The following UVRAG variants were observed in gnomAD, a reference collection of about 807,000 sequenced individuals.
The protein encoded by UVRAG is UV radiation resistance associated, also known as UV radiation resistance-associated gene protein.
In UVRAG, 19 loss-of-function variants were observed where a neutral mutation model predicts 78.0. The ratio of observed to expected loss-of-function variants is 0.24; its 90% CI spans 0.17 to 0.36. The LOEUF (loss-of-function observed/expected upper bound fraction) is 0.36, where lower values mean the gene tolerates loss of function less well. Among genes scored for constraint, UVRAG ranks in the 10% least tolerant of loss-of-function variants. UVRAG has a pLI of 1.00. For synonymous variants in UVRAG, 323 were observed against 324.6 expected (o/e 1.00, Z 0.05); for missense variants, 740 against 853.8 (o/e 0.87, Z 1.66).
At chr11:75,974,273 G>T (rs915081128) in intron 7 of UVRAG, among the ~76,000 whole-genome samples, 8 of 150,098 alleles carry the variant, frequency 5.3e-5, no homozygotes, top group Non-Finnish European at 3.0e-5. Flanking sequence ...GTATCTCATT[G>T]TGGTTTTGAT....
intron 7 of UVRAG, among the ~76,000 whole-genome samples, chr11:75,968,519 T>G (rs895897617): frequency 2.0e-5 from 3 of 152,208 alleles, no homozygotes; most frequent in African/African-American, 7.2e-5. Context: ...ACTTGATATA[T>G]TTCTGTAAAT....
intron 12 of UVRAG, among the ~76,000 whole-genome samples, chr11:76,032,914 T>C (rs1950462362): frequency 6.6e-6 from 1 of 152,236 alleles, no homozygotes; most frequent in African/African-American, 2.4e-5. Flanking sequence ...TATTAATATT[T>C]AGTCTAAGTA....
chr11:76,042,149 C>T (rs1203745673), intron 12 of UVRAG, among the ~76,000 whole-genome samples: 1 of 152,030 alleles, frequency 6.6e-6, no homozygotes, highest in Admixed American at 6.6e-5. Flanking sequence ...TAGAAACAAC[C>T]TAAATCCCCT....
chr11:76,137,646 C>T, intron 14 of UVRAG: 1 of 359,270 alleles, frequency 2.8e-6, no homozygotes, highest in South Asian at 2.2e-5. Flanking sequence ...CACCTGTAAT[C>T]CCAATATTTT....
At chr11:75,937,272 A>G (rs1462886066) in intron 6 of UVRAG, among the ~76,000 whole-genome samples, 13 of 152,196 alleles carry the variant, frequency 8.5e-5, no homozygotes, top group Non-Finnish European at 4.4e-5. Flanking sequence ...TGAGAGGCAG[A>G]GGTTGCAGTG....
intron 6 of UVRAG, among the ~76,000 whole-genome samples, chr11:75,957,005 GT>G (rs1371325315): frequency 5.8e-4 from 83 of 143,668 alleles, no homozygotes; most frequent in Non-Finnish European, 9.2e-4. Context: ...TCTATGGACT[GT>G]TTTTTTTTTT....
At chr11:75,890,262 A>G (rs933836207) in intron 5 of UVRAG, among the ~76,000 whole-genome samples, 2 of 152,162 alleles carry the variant, frequency 1.3e-5, no homozygotes, top group South Asian at 4.1e-4. Flanking sequence ...TGCAGTAGAG[A>G]CTGATTGTAG....
At chr11:76,096,941 G>A (rs920357115) in intron 13 of UVRAG, among the ~76,000 whole-genome samples, 2 of 152,016 alleles carry the variant, frequency 1.3e-5, no homozygotes, top group African/African-American at 4.8e-5. Context: ...GACATGTTGA[G>A]GCAGAGCTTG....
At chr11:76,082,435 G>A (rs919894230) in intron 13 of UVRAG, among the ~76,000 whole-genome samples, 49 of 150,804 alleles carry the variant, frequency 3.2e-4, no homozygotes, top group African/African-American at 1.1e-3. Context: ...AGCTACTCGG[G>A]AGGCTGAGGC....
chr11:75,879,115 C>T (rs1414283894), intron 3 of UVRAG, among the ~76,000 whole-genome samples: 1 of 152,096 alleles, frequency 6.6e-6, no homozygotes, highest in Admixed American at 6.5e-5. Flanking sequence ...TAAAGCTGAC[C>T]TTGTTATTTT....
At chr11:75,955,745 C>G (rs1273273753) in intron 6 of UVRAG, among the ~76,000 whole-genome samples, 1 of 152,040 alleles carries the variant, frequency 6.6e-6, no homozygotes, top group East Asian at 1.9e-4. Flanking sequence ...AAAAATTAGT[C>G]GGACCCAGTT....
intron 8 of UVRAG, among the ~76,000 whole-genome samples, chr11:75,995,540 T>A (rs1319051184): frequency 6.6e-6 from 1 of 150,932 alleles, no homozygotes; most frequent in African/African-American, 2.4e-5. Context: ...GACCTACATA[T>A]GTAGTTTGTT....
At position 76,120,050 on chromosome 11, in the gene UVRAG, C is replaced by T. The variant is rs1010056452; in HGVS notation, c.1397+4035C>T. ...TCACTCTTCCTCTGTGTAGAATGTG[C>T]TCTGTCTCTTCCTTCTTTCCTACCA... On this transcript the variant is annotated intron_variant, in intron 14 of 14. Coordinates refer to ENST00000356136, the MANE Select transcript of UVRAG (RefSeq NM_003369.4). Among the ~76,000 whole-genome samples the T allele has an allele frequency of 4.6e-5, 7 of 152,164 alleles. No individual in the cohort carries two copies. The East Asian group carries it at 1.3e-3, about 29-fold the overall frequency.
rs1043839462 is a variant in UVRAG at position 75,983,472 on chromosome 11, T to A, written c.785T>A (p.Val262Glu). 6.8e-6 allele frequency: 11 copies of A among 1,610,164 alleles called. No individual in the cohort carries two copies. Among genetic ancestry groups the A allele is most frequent in the Non-Finnish European group, 8.5e-6 (10 of 1,177,682 alleles). Residue 262 changes from valine to glutamate, a missense_variant, in exon 8 of 15, where the codon GTG becomes GAG. Val to Glu is a moderately radical substitution (Grantham distance 121, BLOSUM62 -2). Coordinates refer to ENST00000356136, the MANE Select transcript of UVRAG (RefSeq NM_003369.4). ...ERQKKALGRE[V>E]ALLHKQQIAL... ...CAGAAGAAAGCTTTGGGACGGGAGG[T>A]GGCATTACTGCATAAGCAACAAATT...
chr11:75,858,983 T>G (rs912412339), intron 2 of UVRAG, among the ~76,000 whole-genome samples: 2 of 152,192 alleles, frequency 1.3e-5, no homozygotes, highest in Admixed American at 6.5e-5. Context: ...CTGCAATCTG[T>G]GATTGCTTTG....
chr11:75,920,420 ACT>A (rs1947955286), intron 6 of UVRAG, among the ~76,000 whole-genome samples: 1 of 152,132 alleles, frequency 6.6e-6, no homozygotes, highest in Non-Finnish European at 1.5e-5. Context: ...CTCTACATAT[ACT>A]ATAAATATAT....
At chr11:75,906,221 A>AT (rs1045009282) in intron 5 of UVRAG, among the ~76,000 whole-genome samples, 1 of 150,652 alleles carries the variant, frequency 6.6e-6, no homozygotes, top group Non-Finnish European at 1.5e-5. Context: ...TAATTTACTG[A>AT]TTTTTTTGTA....
At chr11:75,938,523 TC>T (rs1948423889) in intron 6 of UVRAG, among the ~76,000 whole-genome samples, 1 of 152,188 alleles carries the variant, frequency 6.6e-6, no homozygotes. Context: ...TCCTTTCAGT[TC>T]TTGCTTTTAC....
At chr11:75,997,430 G>A (rs1436440274) in intron 8 of UVRAG, among the ~76,000 whole-genome samples, 1 of 152,234 alleles carries the variant, frequency 6.6e-6, no homozygotes, top group Non-Finnish European at 1.5e-5. Context: ...TGCCTGACTT[G>A]TGTTCTTGCT....
Sources: gnomAD v4.1 joint callset for allele counts (sites outside exome capture counted in the v4.1 genomes callset) on GRCh38, gnomAD v4.1.1 for gene constraint, MANE v1.5 for transcripts, NCBI Gene and HGNC (gene_info 2026-07-23, HGNC 2026-07-21) for gene names.